NBEAL1: variants seen among roughly 807,000 people sequenced by gnomAD.
NBEAL1 encodes neurobeachin-like protein 1.
Under a neutral mutation model 351.3 loss-of-function variants are expected in NBEAL1, and 273 were observed. The observed-to-expected ratio is 0.78, with a 90% CI of 0.70 to 0.86. The LOEUF is 0.86. NBEAL1 is among the 40% of genes least tolerant of loss of function. The pLI is 0.00. For synonymous variants in NBEAL1, 1,050 were observed against 1,086.4 expected, an observed-to-expected ratio of 0.97 and a Z score of 0.66; for missense variants, 2,961 against 3,201.3, an observed-to-expected ratio of 0.92 and a Z score of 1.81.
Position 203,136,165 on chromosome 2 carries a change from A to T in NBEAL1, c.4302A>T (p.Lys1434Asn). ...PSTPSPVEST[K>N]SFSVHSDRES... ...CACCATCCCCAGTAGAGTCTACTAA[A>T]TCGTTTTCTGTGCACTCTGACAGAG... Residue 1434 changes from lysine to asparagine, a missense_variant, in exon 28 of 56, where the codon AAA becomes AAT. Coordinates refer to ENST00000683969, the MANE Select transcript of NBEAL1 (RefSeq NM_001378026.1). 6.2e-7 allele frequency: 1 copy of T among 1,613,988 alleles called. No homozygotes were observed. The highest frequency in any genetic ancestry group is 2.2e-5 in the East Asian group (1 of 44,876).
chr2:203,060,084 A>C (rs1051204068), intron 6 of NBEAL1, among the ~76,000 whole-genome samples: 1 of 152,236 alleles, frequency 6.6e-6, no homozygotes, highest in African/African-American at 2.4e-5. Context: ...TGAAACAATG[A>C]CATAATTTTT....
At chr2:203,207,985 A>G (rs557680701) in intron 51 of NBEAL1, among the ~76,000 whole-genome samples, 2 of 152,344 alleles carry the variant, frequency 1.3e-5, no homozygotes, top group East Asian at 1.9e-4. Context: ...ATCCCAATAA[A>G]TGGAAAAATT....
rs1460327180 is a variant in NBEAL1 at position 203,145,014 on chromosome 2, G to A, written c.5158G>A (p.Val1720Ile). ...TCTTTTTTATTTTTTTGGTAAGATT[G>A]TACCTTATATGAAGCAGTATGAAGC... Reference protein sequence around the residue: ...EWQVYIEKYIVPYMKQYEAHT... With the variant: ...EWQVYIEKYIIPYMKQYEAHT... The change falls in exon 33 of 56, where the codon GTA becomes ATA. Residue 1720 changes from valine to isoleucine, a missense_variant. Transcript: ENST00000683969. The A allele has an allele frequency of 1.3e-6, 2 of 1,575,360 alleles. No homozygotes were observed. The highest frequency in any genetic ancestry group is 2.0e-5 in the Admixed American group (1 of 50,890).
chr2:203,167,099 T>C, intron 37 of NBEAL1, 128 bp from the exon 38 acceptor site: 4 of 728,178 alleles, frequency 5.5e-6, no homozygotes, highest in Non-Finnish European at 8.5e-6. Context: ...ATTTAACAAA[T>C]GGTTTATATA....
rs142775344 is a variant in NBEAL1 at position 203,122,246 on chromosome 2, A to C, written c.2593-8A>C. 1,054 of 1,499,874 alleles carry C rather than the reference A, an allele frequency of 7.0e-4. 3 individuals are homozygous for C. Among genetic ancestry groups the C allele is most frequent in the Non-Finnish European group, 8.5e-4 (955 of 1,118,662 alleles). 92.9% of individuals were successfully genotyped at this position (1,499,874 alleles called of 1,614,324 possible). A position where few individuals can be genotyped will look rare whatever the true frequency, so the allele number is the denominator to read the frequency against. On this transcript the variant is annotated splice_region_variant and splice_polypyrimidine_tract_variant and intron_variant, in intron 18 of 55. Coordinates refer to ENST00000683969, the MANE Select transcript of NBEAL1 (RefSeq NM_001378026.1). ...TGGTTGTTTGCCATATTTTTCTTTTATTCTTAGGCCTGCAAAAATTCAATC... is the reference window on the plus strand; with the variant it reads ...TGGTTGTTTGCCATATTTTTCTTTTCTTCTTAGGCCTGCAAAAATTCAATC...
intron 43 of NBEAL1, chr2:203,181,198 C>T (rs1230680295): frequency 6.6e-6 from 1 of 151,882 alleles, no homozygotes; most frequent in Non-Finnish European, 1.5e-5. Flanking sequence ...TCCCAAAGTG[C>T]TCGGATTACA....
rs1269763850 is a variant in NBEAL1, at chr2:203,040,169, A to G, written c.52-1596A>G. 24 of 1,515,872 alleles carry G rather than the reference A, an allele frequency of 1.6e-5. No homozygotes were observed. The Middle Eastern group carries it at 7.0e-4, about 44-fold the overall frequency. The allele number at this position is 1,515,872 out of a possible 1,614,324, so 93.9% of individuals were successfully genotyped here. ...CCAGAAAATCTCCTGAAAAAGAGGA[A>G]GGCTTATCAAGCCCTCAAAGCCACT... On this transcript the variant is annotated intron_variant, in intron 2 of 55. Transcript: ENST00000683969.
In NBEAL1 at chr2:203,213,653, G is replaced by A; in HGVS notation, c.8070G>A (p.Glu2690=). 1.9e-6 allele frequency: 3 copies of A among 1,613,636 alleles called. No homozygotes were observed. Among genetic ancestry groups the A allele is most frequent in the African/African-American group, 1.3e-5 (1 of 75,002 alleles). The change falls in exon 55 of 56, where the codon GAG becomes GAA. Residue 2690 remains glutamate (E), a splice_region_variant and synonymous_variant. Coordinates refer to ENST00000683969, the MANE Select transcript of NBEAL1 (RefSeq NM_001378026.1). The stretch of plus-strand genomic sequence containing the variant: ...TAGTGGGTGTTGGCAAGCCTGCTGA[G>A]GTAAAACCTAGCATCAGTAATTTCA... The part of the protein sequence containing the change: ...LIVVGVGKPA[E]MRSGQLSRKF...
chr2:203,126,803 C>G, intron 22 of NBEAL1, 21 bp from the exon 23 acceptor site: 6 of 1,542,326 alleles, frequency 3.9e-6, no homozygotes, highest in Non-Finnish European at 5.3e-6. Context: ...GAATTACTTA[C>G]CATTGAACTT....
intron 37 of NBEAL1, 130 bp from the exon 38 acceptor site, chr2:203,167,095 CAA>C: frequency 2.8e-6 from 2 of 710,110 alleles, no homozygotes. Context: ...ACACATTTAA[CAA>C]ATGGTTTATA....
intron 35 of NBEAL1, among the ~76,000 whole-genome samples, chr2:203,155,894 G>A (rs548821191): frequency 1.5e-4 from 23 of 152,058 alleles, no homozygotes; most frequent in African/African-American, 5.5e-4. Context: ...TTTTACCTGT[G>A]TTCTTCCTGA....
chr2:203,073,119 A>G (rs1179600329), intron 7 of NBEAL1, among the ~76,000 whole-genome samples: 2 of 152,124 alleles, frequency 1.3e-5, no homozygotes, highest in Admixed American at 6.5e-5. Flanking sequence ...GCTCAGGCTC[A>G]TCTTGAATTC....
At chr2:203,113,343 T>G (rs1472703332) in intron 17 of NBEAL1, 25 bp downstream of exon 17, 19 of 1,278,232 alleles carry the variant, frequency 1.5e-5, no homozygotes, top group Non-Finnish European at 1.8e-5. Flanking sequence ...TCATAATGCT[T>G]AAGCAAATTT....
intron 35 of NBEAL1, among the ~76,000 whole-genome samples, chr2:203,155,349 C>T (rs546820089): frequency 2.2e-4 from 34 of 151,972 alleles, no homozygotes; most frequent in African/African-American, 8.0e-4. Context: ...ATTTTTGGTC[C>T]TCACCTTGCT....
At chr2:203,152,017 G>A (rs2063667782) in intron 35 of NBEAL1, among the ~76,000 whole-genome samples, 1 of 151,814 alleles carries the variant, frequency 6.6e-6, no homozygotes, top group Admixed American at 6.6e-5. Context: ...AAGTGTAGTG[G>A]CGCAATCTCG....
chr2:203,051,323 G>C (rs994638444), intron 4 of NBEAL1, among the ~76,000 whole-genome samples: 1 of 151,996 alleles, frequency 6.6e-6, no homozygotes, highest in Non-Finnish European at 1.5e-5. Context: ...GAGGTGGATC[G>C]CTTGAGGTCA....
chr2:203,183,164 G>T (rs1291951131), intron 43 of NBEAL1, 115 bp from the exon 44 acceptor site: 2 of 547,390 alleles, frequency 3.7e-6, no homozygotes, highest in Admixed American at 3.5e-5. Flanking sequence ...CAATAGATAA[G>T]AATTTTAAAA....
At chr2:203,212,234 G>A (rs749802963) in intron 54 of NBEAL1, among the ~76,000 whole-genome samples, 11 of 151,860 alleles carry the variant, frequency 7.2e-5, no homozygotes, top group Non-Finnish European at 1.3e-4. Flanking sequence ...GAATCAACAA[G>A]GCAAAAAGCA....
chr2:203,101,786 G>A (rs2062331330), intron 12 of NBEAL1, among the ~76,000 whole-genome samples: 1 of 152,126 alleles, frequency 6.6e-6, no homozygotes, highest in African/African-American at 2.4e-5. Context: ...AGTAGAGACA[G>A]GGTTTCACGA....
Sources: gnomAD v4.1 joint callset for allele counts (sites outside exome capture counted in the v4.1 genomes callset) on GRCh38, gnomAD v4.1.1 for gene constraint, MANE v1.5 for transcripts, NCBI Gene and HGNC (gene_info 2026-07-23, HGNC 2026-07-21) for gene names.